Variants in PTPRD observed in about 807,000 individuals in gnomAD.
PTPRD encodes receptor-type tyrosine-protein phosphatase delta.
Under a neutral mutation model 214.5 loss-of-function variants are expected in PTPRD, and 34 were observed. The observed-to-expected ratio is 0.16, with a 90% CI of 0.12 to 0.21. The LOEUF is 0.21. PTPRD is among the 10% of genes least tolerant of loss of function. The pLI, the probability that PTPRD is intolerant of heterozygous loss-of-function variation, is 1.00. For synonymous variants in PTPRD, 1,128 were observed against 845.7 expected, an observed-to-expected ratio of 1.33 and a Z score of -5.79; for missense variants, 2,545 against 2,398.7, an observed-to-expected ratio of 1.06 and a Z score of -1.27.
At chr9:9,775,813 G>A (rs556617420) in intron 5 of PTPRD, among the ~76,000 whole-genome samples, 9 of 152,012 alleles carry the variant, frequency 5.9e-5, no homozygotes, top group East Asian at 3.9e-4. Context: ...AAAAATAGCC[G>A]GGCATGGTGG....
chr9:9,131,834 A>T (rs1185633695), intron 10 of PTPRD, among the ~76,000 whole-genome samples: 1 of 152,158 alleles, frequency 6.6e-6, no homozygotes, highest in Non-Finnish European at 1.5e-5. Context: ...GTAGTAAAAT[A>T]TGTTTCTTAA....
intron 9 of PTPRD, among the ~76,000 whole-genome samples, chr9:9,266,307 G>A (rs1322844746): frequency 6.6e-6 from 1 of 151,126 alleles, no homozygotes; most frequent in Middle Eastern, 3.2e-3. Flanking sequence ...TAGAATAATA[G>A]TAGGGGACTT....
At chr9:8,735,080 T>C (rs941235000) in intron 11 of PTPRD, among the ~76,000 whole-genome samples, 2 of 151,834 alleles carry the variant, frequency 1.3e-5, no homozygotes, top group Admixed American at 6.6e-5. Flanking sequence ...CCATCAGAGT[T>C]CGTGGGTCAG....
intron 30 of PTPRD, among the ~76,000 whole-genome samples, chr9:8,475,604 T>C (rs545820121): frequency 6.6e-6 from 1 of 152,308 alleles, no homozygotes; most frequent in East Asian, 1.9e-4. Flanking sequence ...GTACCCCCAA[T>C]TTACTGTGGT....
chr9:8,852,641 C>G (rs906035593), intron 11 of PTPRD, among the ~76,000 whole-genome samples: 12 of 152,300 alleles, frequency 7.9e-5, no homozygotes, highest in Admixed American at 7.2e-4. Context: ...AGCTTACAGA[C>G]AGAATGAGCT....
intron 9 of PTPRD, among the ~76,000 whole-genome samples, chr9:9,330,394 T>C (rs1454254007): frequency 6.6e-6 from 1 of 152,164 alleles, no homozygotes; most frequent in Non-Finnish European, 1.5e-5. Flanking sequence ...AAAATAAGGT[T>C]ATCTTCAATT....
At chr9:8,720,800 C>T (rs181249844) in intron 12 of PTPRD, among the ~76,000 whole-genome samples, 24 of 152,128 alleles carry the variant, frequency 1.6e-4, no homozygotes, top group African/African-American at 5.3e-4. Context: ...ACTCTAGGGC[C>T]TGAAGATGAC....
chr9:9,513,907 G>C lies in PTPRD; in HGVS notation c.-237+60825C>G, dbSNP rs567871326. 1.5e-4 allele frequency among the ~76,000 whole-genome samples: 23 copies of C among 152,170 alleles called. No homozygotes were observed. The South Asian group carries it at 4.3e-3, about 29-fold the overall frequency. On this transcript the variant is annotated intron_variant, in intron 8 of 45. Transcript: ENST00000381196. ...GCGTGGATAAATGTTGATGGCAGAA[G>C]AGAGTAAAAATGTCTTGTGAATAAG...
At chr9:10,322,472 T>C (rs1335126276) in intron 3 of PTPRD, among the ~76,000 whole-genome samples, 1 of 151,948 alleles carries the variant, frequency 6.6e-6, no homozygotes, top group Non-Finnish European at 1.5e-5. Context: ...ACCTATAATA[T>C]ACAGTGATTT....
At chr9:10,065,123 C>T (rs2097850793) in intron 3 of PTPRD, among the ~76,000 whole-genome samples, 1 of 64,810 alleles carries the variant, frequency 1.5e-5, no homozygotes, top group Non-Finnish European at 3.0e-5. Context: ...CTGCCTAATA[C>T]TTTGTTGTGA....
rs180884538 is a variant in PTPRD at position 9,320,953 on chromosome 9, T to A, written c.-203+76496A>T. Among the ~76,000 whole-genome samples, 9 of 152,266 alleles carry A rather than the reference T, an allele frequency of 5.9e-5. No individual in the cohort carries two copies. The East Asian group carries it at 1.4e-3, about 23-fold the overall frequency. On this transcript the variant is annotated intron_variant, in intron 9 of 45. Transcript: ENST00000381196. ...AATAGGCTCCTTCAAGAACAGAAAG[T>A]GAACAGACCTTGCCTGCTTGCCTTC...
At chr9:10,029,752 G>C (rs979505190) in intron 4 of PTPRD, among the ~76,000 whole-genome samples, 1 of 152,190 alleles carries the variant, frequency 6.6e-6, no homozygotes, top group Non-Finnish European at 1.5e-5. Context: ...TTGGACTGTG[G>C]AGTTTTGAGT....
intron 5 of PTPRD, among the ~76,000 whole-genome samples, chr9:9,920,961 G>A (rs558366894): frequency 6.6e-6 from 1 of 152,058 alleles, no homozygotes; most frequent in African/African-American, 2.4e-5. Context: ...CTGACAGAGC[G>A]AATTACAAGT....
intron 10 of PTPRD, among the ~76,000 whole-genome samples, chr9:9,022,105 C>T (rs2099571992): frequency 6.6e-6 from 1 of 151,548 alleles, no homozygotes; most frequent in Non-Finnish European, 1.5e-5. Context: ...CAAACCTGCA[C>T]ATTCTGCACA....
chr9:8,328,708 T>G (rs977371649), intron 44 of PTPRD, among the ~76,000 whole-genome samples: 40 of 152,142 alleles, frequency 2.6e-4, no homozygotes, highest in African/African-American at 9.4e-4. Flanking sequence ...CCCATATTTC[T>G]CGGAGGCTTT....
intron 2 of PTPRD, among the ~76,000 whole-genome samples, chr9:10,384,572 C>T (rs111604675): frequency 5.5e-4 from 83 of 151,514 alleles, no homozygotes; most frequent in African/African-American, 2.0e-3. Context: ...ATGATAGCCC[C>T]AATCCTAGTC....
rs1039954827 is a variant in PTPRD at position 8,613,235 on chromosome 9, A to G, written c.352+20082T>C. On this transcript the variant is annotated intron_variant, in intron 14 of 45. Transcript: ENST00000381196. ...TAAAAAAGCACATGTAGATTAAGAC[A>G]AAGTTACTCTGCAAATGTTTTAAAA... 2.0e-5 allele frequency among the ~76,000 whole-genome samples: 3 copies of G among 152,328 alleles called. No homozygotes were observed. The East Asian group carries it at 5.8e-4, about 29-fold the overall frequency.
chr9:9,424,605 G>A (rs907079429), intron 8 of PTPRD, among the ~76,000 whole-genome samples: 2 of 152,018 alleles, frequency 1.3e-5, no homozygotes, highest in African/African-American at 2.4e-5. Flanking sequence ...ATTATGCAAT[G>A]GAGAAAAACG....
At chr9:9,174,209 A>G (rs577394702) in intron 10 of PTPRD, among the ~76,000 whole-genome samples, 5 of 152,144 alleles carry the variant, frequency 3.3e-5, no homozygotes, top group Non-Finnish European at 7.4e-5. Context: ...TATTGTCTCC[A>G]TGTAACAGAT....
Sources: allele counts gnomAD v4.1 joint callset (sites outside exome capture counted in the v4.1 genomes callset), GRCh38; gene constraint gnomAD v4.1.1; transcripts MANE v1.5; gene names NCBI Gene and HGNC (gene_info 2026-07-23, HGNC 2026-07-21).